Variants in ZNF277 observed in about 807,000 individuals in gnomAD.
ZNF277 encodes zinc finger protein 277.
In ZNF277, 55 loss-of-function variants were observed where a neutral mutation model predicts 60.7. That is an observed-to-expected ratio of 0.91 (90% CI 0.73 to 1.13). The LOEUF (loss-of-function observed/expected upper bound fraction) is 1.13, where lower values mean the gene tolerates loss of function less well. Among genes scored for constraint, ZNF277 ranks in the 50% most tolerant of loss-of-function variants. The probability of loss-of-function intolerance (pLI) is 0.00; values close to 1 mark genes in which losing one functional copy is unlikely to be tolerated. For synonymous variants in ZNF277, 178 were observed against 179.3 expected (o/e 0.99, Z 0.06); for missense variants, 510 against 523.0 (o/e 0.98, Z 0.24).
intron 1 of ZNF277, among the ~76,000 whole-genome samples, chr7:112,208,454 T>C (rs1821637541): frequency 6.6e-6 from 1 of 152,012 alleles, no homozygotes; most frequent in Non-Finnish European, 1.5e-5. Context: ...TTTACAAGTT[T>C]AAAAGTTTTT....
chr7:112,289,882 C>T (rs1486892653), intron 2 of ZNF277, among the ~76,000 whole-genome samples: 3 of 151,992 alleles, frequency 2.0e-5, no homozygotes, highest in Non-Finnish European at 4.4e-5. Context: ...TGCACCACTA[C>T]GCCTGGCTAA....
At position 112,304,165 on chromosome 7, in the gene ZNF277, G is replaced by A. The variant is rs187701119; in HGVS notation, c.465+7854G>A. ...CTCTCATAAAATGCTGAGAAAGGTGGATTTTATTGATTGTTTTTAAAGAAA... is the reference window on the plus strand; with the variant it reads ...CTCTCATAAAATGCTGAGAAAGGTGAATTTTATTGATTGTTTTTAAAGAAA... On this transcript the variant is annotated intron_variant, in intron 4 of 11. Transcript: ENST00000361822. 9.3e-3 allele frequency among the ~76,000 whole-genome samples: 1,417 copies of A among 152,218 alleles called. 23 individuals are homozygous for A. Among genetic ancestry groups the A allele is most frequent in the Non-Finnish European group, 0.016 (1,097 of 68,000 alleles).
chr7:112,254,981 A>AAAAC (rs561602156), intron 1 of ZNF277, among the ~76,000 whole-genome samples: 2,311 of 152,222 alleles, frequency 0.015, 25 homozygotes, highest in Middle Eastern at 0.044. Flanking sequence ...TCAAAGAAAC[A>AAAAC]AAACAAACAA....
intron 1 of ZNF277, among the ~76,000 whole-genome samples, chr7:112,284,587 TAATA>T (rs1299893359): frequency 6.6e-6 from 1 of 152,198 alleles, no homozygotes. Flanking sequence ...TTACCTAATT[TAATA>T]AATATAGTAA....
At chr7:112,277,460 A>T (rs1791832888) in intron 1 of ZNF277, among the ~76,000 whole-genome samples, 1 of 152,184 alleles carries the variant, frequency 6.6e-6, no homozygotes. Flanking sequence ...ATAGTTTCCC[A>T]TTGAATTCCC....
intron 1 of ZNF277, among the ~76,000 whole-genome samples, chr7:112,229,749 AAC>A (rs1822273546): frequency 6.6e-6 from 1 of 152,260 alleles, no homozygotes. Flanking sequence ...AGAGGAAAGT[AAC>A]ACAGAAGTGC....
chr7:112,226,712 G>C (rs1241999089), intron 1 of ZNF277, among the ~76,000 whole-genome samples: 4 of 152,168 alleles, frequency 2.6e-5, no homozygotes, highest in Non-Finnish European at 4.4e-5. Flanking sequence ...CTTCAAGAAT[G>C]TAGGTTAGTT....
intron 1 of ZNF277, among the ~76,000 whole-genome samples, chr7:112,285,314 G>A (rs1295776331): frequency 1.3e-5 from 2 of 151,376 alleles, no homozygotes; most frequent in Non-Finnish European, 2.9e-5. Context: ...ACAGGCTTGA[G>A]CCACCACACT....
At chr7:112,274,046 T>G (rs1240319209) in intron 1 of ZNF277, among the ~76,000 whole-genome samples, 1 of 148,310 alleles carries the variant, frequency 6.7e-6, no homozygotes, top group Non-Finnish European at 1.5e-5. Flanking sequence ...GTATGAGATA[T>G]ATATATATAT....
At chr7:112,226,685 C>T (rs941467773) in intron 1 of ZNF277, among the ~76,000 whole-genome samples, 7 of 152,162 alleles carry the variant, frequency 4.6e-5, no homozygotes, top group Non-Finnish European at 7.4e-5. Flanking sequence ...TCACATTCCT[C>T]TATCAGCTTT....
intron 1 of ZNF277, among the ~76,000 whole-genome samples, chr7:112,245,498 A>G (rs536763674): frequency 2.0e-5 from 3 of 152,338 alleles, no homozygotes; most frequent in East Asian, 1.9e-4. Context: ...GTCATAAACT[A>G]TGTCATAAAC....
intron 1 of ZNF277, among the ~76,000 whole-genome samples, chr7:112,250,460 C>T (rs996610964): frequency 2.6e-5 from 4 of 152,132 alleles, no homozygotes; most frequent in East Asian, 1.9e-4. Context: ...CACACCTATT[C>T]GCACACTCCC....
chr7:112,254,190 G>A (rs1791256130), intron 1 of ZNF277, among the ~76,000 whole-genome samples: 1 of 152,188 alleles, frequency 6.6e-6, no homozygotes, highest in African/African-American at 2.4e-5. Flanking sequence ...AACCACATTT[G>A]AGACACCATC....
intron 1 of ZNF277, among the ~76,000 whole-genome samples, chr7:112,283,444 A>T (rs1791992851): frequency 6.6e-6 from 1 of 152,048 alleles, no homozygotes. Context: ...ACTCGCTTGA[A>T]CCTGGGAGGC....
In ZNF277 at chr7:112,290,795, T is replaced by C. The variant is rs528207785; in HGVS notation, c.293+3721T>C. Among the ~76,000 whole-genome samples, 76 of 152,326 alleles carry C rather than the reference T, an allele frequency of 5.0e-4. 2 individuals carry two copies. In the South Asian group the frequency reaches 0.014, roughly 28 times the overall value. On this transcript the variant is annotated intron_variant, in intron 2 of 11. Coordinates refer to ENST00000361822, the MANE Select transcript of ZNF277 (RefSeq NM_021994.3). ...CAAACAATCCAGGTATTGATTGTTA[T>C]GATCAAAGTTAAGTTGGAATCTTTT...
chr7:112,286,924 G>GCA lies in ZNF277; in HGVS notation c.145_146dup (p.Thr50ProfsTer4). ...CTTTCCCTGCCAGAAAGTCCAGGTG[G>GCA]CACCACCACTTTAGAAGGTTCTCCA... On this transcript the variant is annotated frameshift_variant, in exon 2 of 12. Coordinates refer to ENST00000361822, the MANE Select transcript of ZNF277 (RefSeq NM_021994.3). LOFTEE classifies it high-confidence loss of function. 2.5e-6 allele frequency: 4 copies of GCA among 1,603,258 alleles called. No individual in the cohort carries two copies. Among genetic ancestry groups the GCA allele is most frequent in the Non-Finnish European group, 3.4e-6 (4 of 1,177,612 alleles).
At chr7:112,222,658 T>G (rs1384296843) in intron 1 of ZNF277, among the ~76,000 whole-genome samples, 1 of 152,234 alleles carries the variant, frequency 6.6e-6, no homozygotes, top group East Asian at 1.9e-4. Context: ...TCCTTTCTAT[T>G]ATTTTTCTAG....
chr7:112,296,382 T>G, intron 4 of ZNF277, 71 bp downstream of exon 4: 2 of 588,900 alleles, frequency 3.4e-6, no homozygotes, highest in South Asian at 3.7e-5. Flanking sequence ...TCATATTGGT[T>G]TTTTTTTTTT....
intron 1 of ZNF277, among the ~76,000 whole-genome samples, chr7:112,243,583 G>A (rs979413168): frequency 1.3e-5 from 2 of 150,576 alleles, no homozygotes; most frequent in Non-Finnish European, 3.0e-5. Context: ...AAAAAAAAAT[G>A]TTCTCTAATC....
Sources: gnomAD v4.1 joint callset for allele counts (sites outside exome capture counted in the v4.1 genomes callset) on GRCh38, gnomAD v4.1.1 for gene constraint, MANE v1.5 for transcripts, NCBI Gene and HGNC (gene_info 2026-07-23, HGNC 2026-07-21) for gene names.